The following PRKN variants were observed in gnomAD, a reference collection of about 807,000 sequenced individuals.
The protein encoded by PRKN is E3 ubiquitin-protein ligase parkin.
A neutral mutation model predicts 59.5 loss-of-function variants in PRKN; 56 were observed. The ratio of observed to expected loss-of-function variants is 0.94; its 90% CI spans 0.76 to 1.18. PRKN has a LOEUF of 1.18. PRKN is among the 50% of genes most tolerant of loss of function. The pLI, the probability that PRKN is intolerant of heterozygous loss-of-function variation, is 0.00. For missense variants in PRKN, 657 were observed against 596.4 expected (o/e 1.10, Z -1.06); for synonymous variants, 250 against 222.1 (o/e 1.13, Z -1.12).
At chr6:161,686,084 A>T (rs1479318056) in intron 7 of PRKN, among the ~76,000 whole-genome samples, 4 of 152,178 alleles carry the variant, frequency 2.6e-5, no homozygotes, top group Non-Finnish European at 2.9e-5. Context: ...GCAAAAAAAA[A>T]AAAAAAAAAG....
rs1189833867 is a variant in PRKN, at chr6:161,369,965, C to A, written c.1168-9760G>T. On this transcript the variant is annotated intron_variant, in intron 10 of 11. Transcript: ENST00000366898. The surrounding 1 kb of genome is among the most constrained non-coding windows in gnomAD (Gnocchi z 5.8). ...AGATCAACACACAAACGGCTTAGCA[C>A]AGAGCCAGGTGCACCCTGAATGCTA... The A allele has an allele frequency of 6.7e-6, 3 of 447,158 alleles. No homozygotes were observed. The highest frequency in any genetic ancestry group is 4.0e-5 in the African/African-American group (2 of 50,056). 27.7% of individuals were successfully genotyped at this position (447,158 alleles called of 1,614,324 possible). A position where few individuals can be genotyped will look rare whatever the true frequency, so the allele number is the denominator to read the frequency against.
At chr6:162,037,826 T>C (rs1783908305) in intron 5 of PRKN, among the ~76,000 whole-genome samples, 1 of 152,096 alleles carries the variant, frequency 6.6e-6, no homozygotes, top group South Asian at 2.1e-4. Context: ...ATTACAGGCA[T>C]GAGCCACTAC....
At chr6:162,467,900 G>A (rs1791508690) in intron 1 of PRKN, among the ~76,000 whole-genome samples, 1 of 152,036 alleles carries the variant, frequency 6.6e-6, no homozygotes, top group African/African-American at 2.4e-5. Context: ...GGTACTTGTT[G>A]TTCCCTTTGC....
At chr6:161,875,439 T>C (rs1794699181) in intron 6 of PRKN, among the ~76,000 whole-genome samples, 1 of 151,932 alleles carries the variant, frequency 6.6e-6, no homozygotes, top group Admixed American at 6.6e-5. Flanking sequence ...GTTATCTGCC[T>C]GCCTCGGCCT....
At chr6:161,486,915 T>C (rs975436629) in intron 9 of PRKN, among the ~76,000 whole-genome samples, 2 of 152,224 alleles carry the variant, frequency 1.3e-5, no homozygotes, top group African/African-American at 4.8e-5. Context: ...CAGGACCTGA[T>C]TTTTCCCCTC....
rs1452800253 is a variant in PRKN, at chr6:161,566,906, C to T, written c.933+2449G>A. On this transcript the variant is annotated intron_variant, in intron 8 of 11. Transcript: ENST00000366898. This position sits in a 1 kb window ranked among gnomAD's most constrained non-coding sequence, Gnocchi z 4.1. ...TGGAAATCTCCTTTCCCAGATGTCA[C>T]CATGAGGCTTCTCTGGATACCTTTC... Among the ~76,000 whole-genome samples the T allele has an allele frequency of 1.3e-5, 2 of 152,148 alleles. No homozygotes were observed. The highest frequency in any genetic ancestry group is 2.9e-5 in the Non-Finnish European group (2 of 68,030).
chr6:162,224,314 A>G (rs918800930), intron 3 of PRKN, among the ~76,000 whole-genome samples: 2 of 152,158 alleles, frequency 1.3e-5, no homozygotes, highest in Non-Finnish European at 2.9e-5. Context: ...AAAACTTGCC[A>G]ATGTCTTATA....
At position 162,371,590 on chromosome 6, in the gene PRKN, CAAATA is replaced by C. The variant is rs541685451; in HGVS notation, c.171+71715_171+71719del. Among the ~76,000 whole-genome samples, 518 of 152,102 alleles carry C rather than the reference CAAATA, an allele frequency of 3.4e-3. 2 individuals are homozygous for C. Among genetic ancestry groups the C allele is most frequent in the Non-Finnish European group, 5.7e-3 (386 of 67,986 alleles). On this transcript the variant is annotated intron_variant, in intron 2 of 11. Coordinates refer to ENST00000366898, the MANE Select transcript of PRKN (RefSeq NM_004562.3). ...CTACTCCACTGGTTGCTGTGAGGAC[CAAATA>C]AAATAACACAATTAAGGTGTTATCT...
intron 6 of PRKN, among the ~76,000 whole-genome samples, chr6:161,896,089 G>C (rs1777616590): frequency 6.6e-6 from 1 of 152,140 alleles, no homozygotes; most frequent in African/African-American, 2.4e-5. Flanking sequence ...AGGTGTGACG[G>C]GTGATGAATA....
At position 161,390,720 on chromosome 6, in the gene PRKN, C is replaced by T. The variant is rs910056852; in HGVS notation, c.1084-3843G>A. ...GTCAGGCTGGTCTTGAACTCCTGACCTCAGGTGATCCACCCGCCTCGGCCT... is the reference window on the plus strand; with the variant it reads ...GTCAGGCTGGTCTTGAACTCCTGACTTCAGGTGATCCACCCGCCTCGGCCT... On this transcript the variant is annotated intron_variant, in intron 9 of 11. Coordinates refer to ENST00000366898, the MANE Select transcript of PRKN (RefSeq NM_004562.3). The surrounding 1 kb of genome is among the most constrained non-coding windows in gnomAD (Gnocchi z 7.0). 6.6e-6 allele frequency among the ~76,000 whole-genome samples: 1 copy of T among 152,098 alleles called. No individual in the cohort carries two copies. Among genetic ancestry groups the T allele is most frequent in the African/African-American group, 2.4e-5 (1 of 41,368 alleles).
intron 6 of PRKN, among the ~76,000 whole-genome samples, chr6:161,813,965 A>G (rs1313817131): frequency 6.6e-6 from 1 of 152,212 alleles, no homozygotes; most frequent in South Asian, 2.1e-4. Context: ...TCAGACCCCA[A>G]TTCAAAGGGT....
chr6:162,398,036 C>CAA lies in PRKN; in HGVS notation c.171+45272_171+45273dup, dbSNP rs10707854. 3.1e-3 allele frequency among the ~76,000 whole-genome samples: 257 copies of CAA among 83,722 alleles called. 2 individuals carry two copies. Among genetic ancestry groups the CAA allele is most frequent in the East Asian group, 0.014 (31 of 2,232 alleles). The allele number at this position is 83,722 out of a possible 152,430, so 54.9% of individuals were successfully genotyped here. On this transcript the variant is annotated intron_variant, in intron 2 of 11. Coordinates refer to ENST00000366898, the MANE Select transcript of PRKN (RefSeq NM_004562.3). ...TGGGTGACAGAGCAGGATTCTGACTCAAAAAAAAAAAAAAAAAAGAAAGAT... is the reference window on the plus strand; with the variant it reads ...TGGGTGACAGAGCAGGATTCTGACTCAAAAAAAAAAAAAAAAAAAAGAAAGAT...
intron 1 of PRKN, among the ~76,000 whole-genome samples, chr6:162,494,020 C>T (rs1792938953): frequency 3.3e-5 from 5 of 152,184 alleles, no homozygotes; most frequent in African/African-American, 9.7e-5. Flanking sequence ...CAATCCCCTC[C>T]TTACTGTTAC....
At chr6:161,656,713 G>A (rs895291401) in intron 7 of PRKN, among the ~76,000 whole-genome samples, 1 of 152,130 alleles carries the variant, frequency 6.6e-6, no homozygotes, top group Non-Finnish European at 1.5e-5. Context: ...TGATCAAGTA[G>A]CTCCCACCCT....
intron 6 of PRKN, 49 bp downstream of exon 6, chr6:161,973,253 C>G (rs1477913172): frequency 1.7e-6 from 2 of 1,204,294 alleles, no homozygotes; most frequent in Non-Finnish European, 2.5e-6. Flanking sequence ...ATTTTTAGAT[C>G]CTTACCTCAC....
intron 7 of PRKN, among the ~76,000 whole-genome samples, chr6:161,591,202 G>C (rs1394251448): frequency 1.3e-5 from 2 of 152,166 alleles, no homozygotes. Flanking sequence ...GTCAGTGTCA[G>C]CATGTGGGTA....
chr6:161,410,592 G>A lies in PRKN; in HGVS notation c.1084-23715C>T, dbSNP rs189926042. The stretch of plus-strand genomic sequence containing the variant: ...CACACACAGCAGCGAGAGGGGAAGG[G>A]CGAGCTATTTCCTCCATTCTGGTGC... On this transcript the variant is annotated intron_variant, in intron 9 of 11. Transcript: ENST00000366898. The surrounding 1 kb of genome is among the most constrained non-coding windows in gnomAD (Gnocchi z 5.3). 2.6e-5 allele frequency among the ~76,000 whole-genome samples: 4 copies of A among 152,258 alleles called. No homozygotes were observed. The highest frequency in any genetic ancestry group is 1.3e-4 in the Admixed American group (2 of 15,298).
chr6:162,506,669 A>C (rs1793621782), intron 1 of PRKN, among the ~76,000 whole-genome samples: 2 of 152,296 alleles, frequency 1.3e-5, no homozygotes, highest in Non-Finnish European at 2.9e-5. Flanking sequence ...AGCTTTGGGA[A>C]AGATGAGGAA....
intron 6 of PRKN, among the ~76,000 whole-genome samples, chr6:161,805,199 T>A (rs551392923): frequency 6.6e-6 from 1 of 152,186 alleles, no homozygotes; most frequent in Non-Finnish European, 1.5e-5. Context: ...GCTGGTATGT[T>A]AAAAATCATC....
Sources: allele counts gnomAD v4.1 joint callset (sites outside exome capture counted in the v4.1 genomes callset), GRCh38; gene constraint gnomAD v4.1.1; non-coding constraint Gnocchi (gnomAD v3.1); transcripts MANE v1.5; gene names NCBI Gene and HGNC (gene_info 2026-07-23, HGNC 2026-07-21).